Variants in BBX observed in about 807,000 individuals in gnomAD.
The protein encoded by BBX is HMG box transcription factor BBX.
A neutral mutation model predicts 100.2 loss-of-function variants in BBX; 30 were observed. That is an observed-to-expected ratio of 0.30 (90% CI 0.22 to 0.41). BBX has a LOEUF of 0.41. Among genes scored for constraint, BBX ranks in the 10% least tolerant of loss-of-function variants. The pLI is 1.00. For synonymous variants in BBX, 376 were observed against 388.1 expected, an observed-to-expected ratio of 0.97 and a Z score of 0.37; for missense variants, 1,023 against 1,129.8, an observed-to-expected ratio of 0.91 and a Z score of 1.35.
At chr3:107,534,602 T>C (rs2048368346) in intron 2 of BBX, among the ~76,000 whole-genome samples, 1 of 152,210 alleles carries the variant, frequency 6.6e-6, no homozygotes. Flanking sequence ...CTTTCCTTTT[T>C]TAAAACACCT....
At chr3:107,580,241 G>GA (rs1260550920) in intron 2 of BBX, among the ~76,000 whole-genome samples, 1 of 151,948 alleles carries the variant, frequency 6.6e-6, no homozygotes, top group Non-Finnish European at 1.5e-5. Context: ...CTTTTTTCAT[G>GA]AAAAAATAGT....
In BBX at chr3:107,698,751, T is replaced by A. The variant is rs955633219; in HGVS notation, c.-9-11701T>A. 8.6e-5 allele frequency among the ~76,000 whole-genome samples: 13 copies of A among 151,554 alleles called. 1 individual carries two copies. The highest frequency in any genetic ancestry group is 3.2e-4 in the African/African-American group (13 of 40,990). ...ATACAGGAGAAAAGGGAATGGATAATTATTTCTCTTCTGAGGTCAAAATTA... is the reference window on the plus strand; with the variant it reads ...ATACAGGAGAAAAGGGAATGGATAAATATTTCTCTTCTGAGGTCAAAATTA... On this transcript the variant is annotated intron_variant, in intron 3 of 17. Coordinates refer to ENST00000325805, the MANE Select transcript of BBX (RefSeq NM_001142568.3).
rs564557200 is a variant in BBX, at chr3:107,746,311, T to C, written c.750+1601T>C. Among the ~76,000 whole-genome samples the C allele has an allele frequency of 5.3e-5, 8 of 152,328 alleles. No individual in the cohort carries two copies. The East Asian group carries it at 1.5e-3, about 29-fold the overall frequency. On this transcript the variant is annotated intron_variant, in intron 8 of 17. Coordinates refer to ENST00000325805, the MANE Select transcript of BBX (RefSeq NM_001142568.3). ...ATTCCTAAGATTACAGGAAGATTTC[T>C]CTGGGTTCATTTTTGCATTCTGTCA... is the stretch of plus-strand genomic sequence containing the variant.
At chr3:107,575,188 A>G (rs2051679221) in intron 2 of BBX, among the ~76,000 whole-genome samples, 1 of 152,204 alleles carries the variant, frequency 6.6e-6, no homozygotes, top group Admixed American at 6.5e-5. Flanking sequence ...GTCTAGTTGT[A>G]TAATTTCAAT....
rs1396070194 is a variant in BBX, at chr3:107,789,846, A to G, written c.2263A>G (p.Lys755Glu). The G allele has an allele frequency of 1.9e-6, 3 of 1,550,394 alleles. No individual in the cohort carries two copies. Among genetic ancestry groups the G allele is most frequent in the Non-Finnish European group, 2.6e-6 (3 of 1,146,048 alleles). ...CAAAATTGTCAGCAAATATAAGCAC[A>G]AAAAGGAGAAGCCCAATGTTCCGGA... is the stretch of plus-strand genomic sequence containing the variant. ...FHKIVSKYKH[K>E]KEKPNVPEKG... Residue 755 changes from lysine to glutamate, a missense_variant, in exon 14 of 18, where the codon AAA (lysine) becomes GAA (glutamate). By Grantham distance (56) the Lys-to-Glu change is moderately conservative. Transcript: ENST00000325805.
chr3:107,528,070 C>G (rs989180292), intron 2 of BBX, among the ~76,000 whole-genome samples: 1 of 152,146 alleles, frequency 6.6e-6, no homozygotes, highest in Non-Finnish European at 1.5e-5. Flanking sequence ...TTCATTAAAA[C>G]AATATTTTCA....
chr3:107,614,603 G>A (rs1198608715), intron 2 of BBX, among the ~76,000 whole-genome samples: 1 of 152,042 alleles, frequency 6.6e-6, no homozygotes, highest in Non-Finnish European at 1.5e-5. Context: ...AAATGGTGTA[G>A]TATTTTCATA....
chr3:107,546,268 TC>T (rs2049233001), intron 2 of BBX, among the ~76,000 whole-genome samples: 1 of 152,212 alleles, frequency 6.6e-6, no homozygotes, highest in African/African-American at 2.4e-5. Context: ...TGTTACGTCT[TC>T]TCTAGTCATT....
At chr3:107,700,500 C>A (rs1053999627) in intron 3 of BBX, among the ~76,000 whole-genome samples, 47 of 149,228 alleles carry the variant, frequency 3.1e-4, no homozygotes, top group African/African-American at 1.1e-3. Flanking sequence ...AGGTTTGTTA[C>A]GTATGTATAC....
rs1452983913 is a variant in BBX at position 107,594,869 on chromosome 3, A to G, written c.-83-50967A>G. Among the ~76,000 whole-genome samples, 3 of 152,224 alleles carry G rather than the reference A, an allele frequency of 2.0e-5. No homozygotes were observed. In the East Asian group the frequency reaches 5.8e-4, roughly 29 times the overall value. The stretch of plus-strand genomic sequence containing the variant: ...GGATACTGTCTTTTTTGATCCCTCA[A>G]AGATGCTGTTATTACCTTTAAAAGA... On this transcript the variant is annotated intron_variant, in intron 2 of 17. Transcript: ENST00000325805.
intron 3 of BBX, among the ~76,000 whole-genome samples, chr3:107,648,573 C>A (rs2057661961): frequency 6.6e-6 from 1 of 151,948 alleles, no homozygotes. Flanking sequence ...TAACGGGAGC[C>A]AAATACCTTT....
intron 2 of BBX, among the ~76,000 whole-genome samples, chr3:107,532,323 C>A (rs1270065130): frequency 6.6e-6 from 1 of 152,090 alleles, no homozygotes; most frequent in East Asian, 1.9e-4. Flanking sequence ...AAAGCCACTC[C>A]TTTTTTAAAA....
intron 8 of BBX, 49 bp from the exon 9 acceptor site, chr3:107,747,916 G>T: frequency 1.4e-6 from 2 of 1,479,584 alleles, no homozygotes; most frequent in South Asian, 1.2e-5. Flanking sequence ...CTTATGATCT[G>T]ATGTGGAAAA....
chr3:107,744,051 C>G (rs566554699), intron 7 of BBX, among the ~76,000 whole-genome samples: 45 of 150,992 alleles, frequency 3.0e-4, no homozygotes, highest in African/African-American at 1.1e-3. Flanking sequence ...ATTTTTCCCC[C>G]TAGACTCTCT....
rs1156396951 is a variant in BBX, at chr3:107,737,884, GTTTT to G, written c.669+4888_669+4891del. Reference sequence around the variant, plus strand: ...GGACCAGAAGTACTTCAGAGTTCCAGTTTTTTTTTTTTTTTTTTTTTTTTTTTTT... The same window carrying G: ...GGACCAGAAGTACTTCAGAGTTCCAGTTTTTTTTTTTTTTTTTTTTTTTTT... On this transcript the variant is annotated intron_variant, in intron 7 of 17. Transcript: ENST00000325805. Among the ~76,000 whole-genome samples, 64 of 48,896 alleles carry G rather than the reference GTTTT, an allele frequency of 1.3e-3. 1 individual carries two copies. The highest frequency in any genetic ancestry group is 0.012 in the Admixed American group (46 of 3,780). The allele number at this position is 48,896 out of a possible 152,430, so 32.1% of individuals were successfully genotyped here.
At chr3:107,730,735 T>C (rs969315577) in intron 6 of BBX, among the ~76,000 whole-genome samples, 2 of 152,222 alleles carry the variant, frequency 1.3e-5, no homozygotes, top group Non-Finnish European at 2.9e-5. Flanking sequence ...CTTGCATTTA[T>C]CTCATTATGT....
chr3:107,708,691 T>A (rs1458179543), intron 3 of BBX, among the ~76,000 whole-genome samples: 3 of 143,734 alleles, frequency 2.1e-5, no homozygotes, highest in Admixed American at 7.0e-5. Context: ...AAAAAAAAAA[T>A]TAATCAGAAC....
At chr3:107,775,334 CA>C (rs2067236858) in intron 12 of BBX, among the ~76,000 whole-genome samples, 1 of 151,998 alleles carries the variant, frequency 6.6e-6, no homozygotes, top group South Asian at 2.1e-4. Context: ...AATATCAGGT[CA>C]AATATTCTGC....
chr3:107,739,855 G>A (rs1458021732), intron 7 of BBX, among the ~76,000 whole-genome samples: 2 of 152,158 alleles, frequency 1.3e-5, no homozygotes, highest in African/African-American at 2.4e-5. Context: ...AGGAAACTGA[G>A]GCAGAAAGGT....
Sources: allele counts gnomAD v4.1 joint callset (sites outside exome capture counted in the v4.1 genomes callset), GRCh38; gene constraint gnomAD v4.1.1; transcripts MANE v1.5; gene names NCBI Gene and HGNC (gene_info 2026-07-23, HGNC 2026-07-21).